The following KATNAL1 variants were observed in gnomAD, a reference collection of about 807,000 sequenced individuals.
The protein encoded by KATNAL1 is katanin p60 ATPase-containing subunit A-like 1.
In KATNAL1, 32 loss-of-function variants were observed where a neutral mutation model predicts 55.2. That is an observed-to-expected ratio of 0.58 (90% CI 0.44 to 0.78). KATNAL1 has a LOEUF of 0.78. Among genes scored for constraint, KATNAL1 ranks in the 30% least tolerant of loss-of-function variants. The pLI is 0.00. For synonymous variants in KATNAL1, 193 were observed against 193.6 expected (o/e 1.00, Z 0.02); for missense variants, 466 against 600.9 (o/e 0.78, Z 2.35).
chr13:30,235,655 AG>A (rs1876581739), intron 6 of KATNAL1, among the ~76,000 whole-genome samples: 1 of 152,232 alleles, frequency 6.6e-6, no homozygotes, highest in Non-Finnish European at 1.5e-5. Flanking sequence ...CCAGGAAGAG[AG>A]GGCGAAAGAA....
intron 3 of KATNAL1, among the ~76,000 whole-genome samples, chr13:30,259,421 C>G (rs376396232): frequency 3.4e-4 from 51 of 152,184 alleles, no homozygotes; most frequent in African/African-American, 1.2e-3. Flanking sequence ...GTGTGAGCGA[C>G]GCAAAAGACC....
chr13:30,258,420 G>A (rs902587799), intron 3 of KATNAL1, among the ~76,000 whole-genome samples: 2 of 152,146 alleles, frequency 1.3e-5, no homozygotes, highest in Non-Finnish European at 2.9e-5. Flanking sequence ...TTCTCCCAGT[G>A]TGTGATTTGC....
chr13:30,305,863 TTGAA>T (rs1883145381), intron 1 of KATNAL1, among the ~76,000 whole-genome samples: 1 of 152,224 alleles, frequency 6.6e-6, no homozygotes, highest in African/African-American at 2.4e-5. Context: ...CTAACACATT[TTGAA>T]TGAATAAATA....
At chr13:30,274,893 GCGCGCGCGCGCGCGCACACACACACA>G (rs1880668204) in intron 3 of KATNAL1, among the ~76,000 whole-genome samples, 5 of 100,904 alleles carry the variant, frequency 5.0e-5, no homozygotes, top group Admixed American at 9.6e-5. Context: ...ACACACATAC[GCGCGCGCGCGCGCGCACACACACACA>G]CACACACACA....
chr13:30,305,963 T>C (rs2137581394), intron 1 of KATNAL1, among the ~76,000 whole-genome samples: 1 of 152,326 alleles, frequency 6.6e-6, no homozygotes, highest in South Asian at 2.1e-4. Context: ...CATCTCCTCC[T>C]TGTACAAAAT....
intron 9 of KATNAL1, among the ~76,000 whole-genome samples, chr13:30,211,427 C>T (rs1389299005): frequency 3.3e-5 from 5 of 152,170 alleles, no homozygotes; most frequent in Admixed American, 6.5e-5. Context: ...CATTTCTCAC[C>T]CTTATCAGGA....
At chr13:30,287,343 G>A (rs1182475815) in intron 1 of KATNAL1, among the ~76,000 whole-genome samples, 1 of 152,184 alleles carries the variant, frequency 6.6e-6, no homozygotes, top group Non-Finnish European at 1.5e-5. Flanking sequence ...TAATGTGTGA[G>A]TCTCATGAGA....
chr13:30,270,721 C>G (rs1264347698), intron 3 of KATNAL1, among the ~76,000 whole-genome samples: 44 of 150,292 alleles, frequency 2.9e-4, no homozygotes, highest in East Asian at 1.2e-3. Context: ...CAGCATGCTC[C>G]TTAAGAGTCA....
intron 1 of KATNAL1, among the ~76,000 whole-genome samples, chr13:30,305,147 C>G (rs1441228443): frequency 6.6e-6 from 1 of 152,180 alleles, no homozygotes; most frequent in African/African-American, 2.4e-5. Context: ...CTGACGCCAC[C>G]ACCACTCTAG....
intron 3 of KATNAL1, among the ~76,000 whole-genome samples, chr13:30,278,324 T>A (rs886819435): frequency 1.3e-5 from 2 of 152,096 alleles, no homozygotes; most frequent in African/African-American, 2.4e-5. Flanking sequence ...AAAACTTTTT[T>A]AAAAATTTAG....
intron 4 of KATNAL1, among the ~76,000 whole-genome samples, chr13:30,241,384 T>C (rs940518539): frequency 2.6e-5 from 4 of 152,216 alleles, no homozygotes; most frequent in South Asian, 2.1e-4. Flanking sequence ...TTTGAACTGG[T>C]AGACGCAGAG....
rs1282169360 is a variant in KATNAL1, at chr13:30,240,514, A to T, written c.672T>A (p.Val224=). The change falls in exon 6 of 11, where the codon GTT becomes GTA. Residue 224 remains valine (V), a synonymous_variant. Transcript: ENST00000380615. ...AGTCAGGCATCCACATTGGAAGAAC[A>T]ACAGCTTCCCTTAGCAACTTCTTAG... The part of the protein sequence containing the change: ...EEAKKLLREA[V]VLPMWMPDFF... The T allele has an allele frequency of 6.2e-7, 1 of 1,613,892 alleles. No homozygotes were observed. Among genetic ancestry groups the T allele is most frequent in the Admixed American group, 1.7e-5 (1 of 60,024 alleles).
chr13:30,291,714 T>C lies in KATNAL1; in HGVS notation c.-14-7923A>G, dbSNP rs1203455211. Among the ~76,000 whole-genome samples the C allele has an allele frequency of 2.6e-5, 4 of 152,296 alleles. No homozygotes were observed. In the South Asian group the frequency reaches 8.3e-4, roughly 32 times the overall value. On this transcript the variant is annotated intron_variant, in intron 1 of 10. Coordinates refer to ENST00000380615, the MANE Select transcript of KATNAL1 (RefSeq NM_032116.5). Reference sequence around the variant, plus strand: ...ATGCCTGTTGGGGGTGGATGTCTACTACATGATTTTAAAATTTACTATAAA... The same window carrying C: ...ATGCCTGTTGGGGGTGGATGTCTACCACATGATTTTAAAATTTACTATAAA...
intron 3 of KATNAL1, among the ~76,000 whole-genome samples, chr13:30,273,171 C>T (rs1224038613): frequency 6.6e-6 from 1 of 152,228 alleles, no homozygotes; most frequent in African/African-American, 2.4e-5. Context: ...TCCTTTCTCT[C>T]TAAAACAACA....
intron 3 of KATNAL1, among the ~76,000 whole-genome samples, chr13:30,259,551 C>T (rs1340198388): frequency 6.6e-6 from 1 of 152,192 alleles, no homozygotes; most frequent in African/African-American, 2.4e-5. Flanking sequence ...AAGGCATTGC[C>T]TCACTCGGGA....
rs1054706134 is a variant in KATNAL1, at chr13:30,204,440, G to A, written c.*4100C>T. ...CATTTTATCTCAAGTTAGGGTGGGG[G>A]GAAAGTGAATCACAGCTACCTCAGC... is the stretch of plus-strand genomic sequence containing the variant. On this transcript the variant is annotated 3_prime_UTR_variant, in exon 11 of 11. Coordinates refer to ENST00000380615, the MANE Select transcript of KATNAL1 (RefSeq NM_032116.5). 6.6e-6 allele frequency: 1 copy of A among 152,092 alleles called. No homozygotes were observed. Among genetic ancestry groups the A allele is most frequent in the Admixed American group, 6.5e-5 (1 of 15,272 alleles). The allele number at this position is 152,092 out of a possible 1,614,324, so 9.4% of individuals were successfully genotyped here. A position where few individuals can be genotyped will look rare whatever the true frequency, so the allele number is the denominator to read the frequency against.
chr13:30,275,839 T>C (rs1356002039), intron 3 of KATNAL1, among the ~76,000 whole-genome samples: 1 of 152,166 alleles, frequency 6.6e-6, no homozygotes, highest in Non-Finnish European at 1.5e-5. Flanking sequence ...ATACAATTTT[T>C]AATTGTCAAT....
intron 1 of KATNAL1, among the ~76,000 whole-genome samples, chr13:30,290,152 G>A (rs1183050494): frequency 6.6e-6 from 1 of 152,036 alleles, no homozygotes; most frequent in African/African-American, 2.4e-5. Flanking sequence ...ATCTAGCAAG[G>A]GAAGCAAATT....
At chr13:30,249,287 A>G (rs1193108990) in intron 4 of KATNAL1, among the ~76,000 whole-genome samples, 1 of 152,092 alleles carries the variant, frequency 6.6e-6, no homozygotes. Context: ...GGAGCAACTG[A>G]AACTTCCCCT....
Sources: allele counts gnomAD v4.1 joint callset (sites outside exome capture counted in the v4.1 genomes callset), GRCh38; gene constraint gnomAD v4.1.1; transcripts MANE v1.5; gene names NCBI Gene and HGNC (gene_info 2026-07-23, HGNC 2026-07-21).